PSD3: variants seen among roughly 807,000 people sequenced by gnomAD.
PSD3 encodes the protein PH and SEC7 domain-containing protein 3.
In PSD3, 49 loss-of-function variants were observed where a neutral mutation model predicts 105.5. That is an observed-to-expected ratio of 0.46 (90% confidence interval 0.37 to 0.59). The LOEUF (loss-of-function observed/expected upper bound fraction) is 0.59. Among genes scored for constraint, PSD3 ranks in the 20% least tolerant of loss-of-function variants. The pLI is 0.00. For missense variants in PSD3, 1,561 were observed against 1,263.8 expected, an observed-to-expected ratio of 1.24 and a Z score of -3.57; for synonymous variants, 557 against 457.8, an observed-to-expected ratio of 1.22 and a Z score of -2.77.
intron 2 of PSD3, among the ~76,000 whole-genome samples, chr8:18,914,603 T>C (rs1221608363): frequency 6.6e-6 from 1 of 152,084 alleles, no homozygotes; most frequent in Non-Finnish European, 1.5e-5. Context: ...CAAAAAATAA[T>C]CTCATTTGTA....
intron 4 of PSD3, among the ~76,000 whole-genome samples, chr8:18,831,101 G>A (rs935874700): frequency 6.6e-6 from 1 of 152,192 alleles, no homozygotes; most frequent in South Asian, 2.1e-4. Flanking sequence ...GCCTCAGTTT[G>A]CCCATCTATA....
intron 12 of PSD3, among the ~76,000 whole-genome samples, chr8:18,594,832 T>A (rs1332484386): frequency 2.0e-5 from 3 of 152,242 alleles, no homozygotes; most frequent in African/African-American, 4.8e-5. Context: ...TGGCATAGAT[T>A]CAACATAGTA....
chr8:18,596,402 T>G (rs906281263), intron 12 of PSD3, among the ~76,000 whole-genome samples: 3 of 149,832 alleles, frequency 2.0e-5, no homozygotes, highest in African/African-American at 7.4e-5. Flanking sequence ...ATAAACGAAA[T>G]AGAGAAATGA....
intron 14 of PSD3, among the ~76,000 whole-genome samples, chr8:18,559,555 G>A (rs573693282): frequency 6.6e-6 from 1 of 152,184 alleles, no homozygotes; most frequent in African/African-American, 2.4e-5. Flanking sequence ...CCAATAATTA[G>A]AATCCAATGA....
chr8:18,978,771 G>C (rs1008902064), intron 1 of PSD3, among the ~76,000 whole-genome samples: 1 of 152,138 alleles, frequency 6.6e-6, no homozygotes, highest in Non-Finnish European at 1.5e-5. Flanking sequence ...GCAGACATAC[G>C]TCTTTCTCTA....
chr8:18,577,950 G>A (rs1175595826), intron 12 of PSD3, among the ~76,000 whole-genome samples: 1 of 151,770 alleles, frequency 6.6e-6, no homozygotes, highest in Non-Finnish European at 1.5e-5. Flanking sequence ...TAGGTAGGTG[G>A]TATACTGTTT....
chr8:18,607,654 T>A (rs1804942335), intron 11 of PSD3, among the ~76,000 whole-genome samples: 1 of 120,164 alleles, frequency 8.3e-6, no homozygotes, highest in Admixed American at 1.2e-4. Flanking sequence ...ACGCCTGTAA[T>A]CCCAGCATAT....
intron 9 of PSD3, among the ~76,000 whole-genome samples, chr8:18,685,459 G>A (rs1159605679): frequency 6.6e-6 from 1 of 150,824 alleles, no homozygotes; most frequent in Non-Finnish European, 1.5e-5. Context: ...AAAGCACTTA[G>A]TGCTTCTATT....
At chr8:19,014,920 A>G (rs1405424663), upstream of PSD3, among the ~76,000 whole-genome samples, 2 of 152,186 alleles carry the variant, frequency 1.3e-5, no homozygotes, top group African/African-American at 4.8e-5. This position sits in a 1 kb window ranked among gnomAD's most constrained non-coding sequence, Gnocchi z 4.9. Context: ...ATGCCTTTAT[A>G]CAAATTCACT....
At chr8:19,068,220 A>C (rs1158901532) in intron 1 of PSD3, among the ~76,000 whole-genome samples, 1 of 147,164 alleles carries the variant, frequency 6.8e-6, no homozygotes, top group African/African-American at 2.4e-5. Flanking sequence ...ACATGGGGGA[A>C]GCTAAGGCTG....
At chr8:18,973,212 T>C (rs754289592) in intron 1 of PSD3, among the ~76,000 whole-genome samples, 21 of 152,038 alleles carry the variant, frequency 1.4e-4, no homozygotes, top group Admixed American at 2.6e-4. Flanking sequence ...GAGACAAGGG[T>C]GACAATGATG....
intron 4 of PSD3, among the ~76,000 whole-genome samples, chr8:18,852,622 C>T (rs1027112397): frequency 6.6e-6 from 1 of 152,154 alleles, no homozygotes; most frequent in Non-Finnish European, 1.5e-5. Flanking sequence ...CTCCCAGCCC[C>T]CGTTGCCACT....
At position 18,799,321 on chromosome 8, in the gene PSD3, G is replaced by C; in HGVS notation, c.2056C>G (p.Leu686Val). 6.2e-7 allele frequency: 1 copy of C among 1,608,866 alleles called. No individual in the cohort carries two copies. Among genetic ancestry groups the C allele is most frequent in the East Asian group, 2.2e-5 (1 of 44,778 alleles). Residue 686 changes from leucine (L) to valine (V), a missense_variant, in exon 8 of 16, where the codon CTT becomes GTT. Transcript: ENST00000327040. The part of the protein sequence containing the change: ...GVHCLTCAIM[L>V]LNTDLHGHNI... ...TGGCCATGTAGATCGGTATTAAGAA[G>C]CATTATTGCACAGGTAAGGCAATGG...
intron 1 of PSD3, among the ~76,000 whole-genome samples, chr8:18,987,533 C>T (rs546295298): frequency 4.1e-4 from 62 of 152,124 alleles, no homozygotes; most frequent in African/African-American, 1.4e-3. Context: ...GTGATCCACC[C>T]GCCTCGGCCT....
chr8:18,784,351 A>C (rs1808921584), intron 8 of PSD3, among the ~76,000 whole-genome samples: 1 of 152,060 alleles, frequency 6.6e-6, no homozygotes, highest in South Asian at 2.1e-4. Context: ...TTTTCCCTAC[A>C]CTCATACACC....
At chr8:18,657,985 A>C (rs2130861702) in intron 9 of PSD3, among the ~76,000 whole-genome samples, 1 of 152,334 alleles carries the variant, frequency 6.6e-6, no homozygotes, top group East Asian at 1.9e-4. Context: ...TCCCTCAAGA[A>C]TATTTTGTTC....
At chr8:18,608,084 C>T (rs1423862152) in intron 11 of PSD3, among the ~76,000 whole-genome samples, 1 of 152,140 alleles carries the variant, frequency 6.6e-6, no homozygotes, top group Non-Finnish European at 1.5e-5. Flanking sequence ...ACCAGGCATG[C>T]TGATGCATGC....
chr8:18,841,073 A>G (rs370556246), intron 4 of PSD3, among the ~76,000 whole-genome samples: 9 of 152,336 alleles, frequency 5.9e-5, no homozygotes, highest in African/African-American at 2.2e-4. Flanking sequence ...TAGAAAGCAG[A>G]AGAAAGTCCC....
rs576108876 is a variant in PSD3 at position 18,714,513 on chromosome 8, G to T, written c.2172+50936C>A. Among the ~76,000 whole-genome samples the T allele has an allele frequency of 8.0e-5, 12 of 150,644 alleles. 1 individual carries two copies. In the South Asian group the frequency reaches 2.5e-3, roughly 32 times the overall value. On this transcript the variant is annotated intron_variant, in intron 9 of 15. Coordinates refer to ENST00000327040, the MANE Select transcript of PSD3 (RefSeq NM_015310.4). ...TCTCAAAAGTCATACGTGCAGCCAA[G>T]AAACTTATGAAAAAAACCCTCAATA...
Sources: gnomAD v4.1 joint callset for allele counts (sites outside exome capture counted in the v4.1 genomes callset) on GRCh38, gnomAD v4.1.1 for gene constraint, Gnocchi (gnomAD v3.1) non-coding constraint, MANE v1.5 for transcripts, NCBI Gene and HGNC (gene_info 2026-07-23, HGNC 2026-07-21) for gene names.